The following SERPINB10 variants were observed in gnomAD, a reference collection of about 807,000 sequenced individuals.
The protein encoded by SERPINB10 is serpin family B member 10.
A neutral mutation model predicts 39.1 loss-of-function variants in SERPINB10; 35 were observed. That is an observed-to-expected ratio of 0.90 (90% CI 0.68 to 1.19). The LOEUF (loss-of-function observed/expected upper bound fraction) is 1.19, where lower values mean the gene tolerates loss of function less well. SERPINB10 is among the 50% of genes most tolerant of loss of function. The pLI is 0.00. For missense variants in SERPINB10, 546 were observed against 460.5 expected (o/e 1.19, Z -1.70); for synonymous variants, 190 against 158.1 (o/e 1.20, Z -1.52).
chr18:63,923,826 T>C (rs8097354), intron 5 of SERPINB10, among the ~76,000 whole-genome samples: 16,863 of 151,872 alleles, frequency 0.11, 2,162 homozygotes, highest in African/African-American at 0.3. Flanking sequence ...TACTTTTCAT[T>C]GCTTTGCCCT....
intron 1 of SERPINB10, among the ~76,000 whole-genome samples, chr18:63,909,304 G>GA (rs1368937567): frequency 6.6e-6 from 1 of 151,986 alleles, no homozygotes; most frequent in Admixed American, 6.6e-5. Context: ...AGTCTTCTCT[G>GA]AAAATATAAT....
chr18:63,919,926 T>G, intron 5 of SERPINB10, 21 bp downstream of exon 5: 1 of 1,487,058 alleles, frequency 6.7e-7, no homozygotes, highest in Non-Finnish European at 9.3e-7. Context: ...ACCAAGGGGT[T>G]TGGCAGCGTG....
intron 1 of SERPINB10, among the ~76,000 whole-genome samples, chr18:63,908,691 A>G (rs2050042914): frequency 6.6e-6 from 1 of 152,026 alleles, no homozygotes; most frequent in South Asian, 2.1e-4. Context: ...AAAAGGCCTT[A>G]GGTGAATAGA....
intron 5 of SERPINB10, among the ~76,000 whole-genome samples, chr18:63,926,669 A>G (rs1375241431): frequency 1.3e-5 from 2 of 152,058 alleles, no homozygotes; most frequent in Non-Finnish European, 2.9e-5. Flanking sequence ...ATGAGTGAGA[A>G]ACTGTTCCAG....
chr18:63,914,370 G>A (rs1452797547), intron 1 of SERPINB10, among the ~76,000 whole-genome samples: 2 of 152,022 alleles, frequency 1.3e-5, no homozygotes, highest in African/African-American at 2.4e-5. Flanking sequence ...TGTGTGCTAC[G>A]TACTTAAGTA....
chr18:63,929,896 G>A (rs1431418128), intron 5 of SERPINB10, 149 bp from the exon 6 acceptor site: 1 of 729,492 alleles, frequency 1.4e-6, no homozygotes, highest in Non-Finnish European at 2.2e-6. Flanking sequence ...TTCTGGACAG[G>A]AATAGTACTT....
Position 63,918,050 on chromosome 18 carries a change from T to TA in SERPINB10, c.321dup (p.Leu108ThrfsTer2), listed in dbSNP as rs747820758. On this transcript the variant is annotated frameshift_variant, in exon 4 of 8. Transcript: ENST00000238508. LOFTEE classifies it high-confidence loss of function. ...ATCCTCAAGCCCAACGATGACTACT[T>TA]ACTTAAAACAGCCAATGCGATATAT... 1 of 1,612,434 alleles carries TA rather than the reference T, an allele frequency of 6.2e-7. No individual in the cohort carries two copies. The highest frequency in any genetic ancestry group is 1.7e-5 in the Admixed American group (1 of 59,814).
At chr18:63,913,574 T>C (rs559846032) in intron 1 of SERPINB10, among the ~76,000 whole-genome samples, 279 of 152,136 alleles carry the variant, frequency 1.8e-3, no homozygotes, top group Admixed American at 2.5e-3. Context: ...AGTAATTCTG[T>C]GGTTTTGAGA....
rs982462860 is a variant in SERPINB10, at chr18:63,935,982, T to C, written c.*740T>C. On this transcript the variant is annotated 3_prime_UTR_variant, in exon 8 of 8. Transcript: ENST00000238508. Reference sequence around the variant, plus strand: ...ATGTTGGTGCCCTAGTTTTGACAAATGTACCGTGGTCATGTAAGATGTTAT... The same window carrying C: ...ATGTTGGTGCCCTAGTTTTGACAAACGTACCGTGGTCATGTAAGATGTTAT... 2.0e-5 allele frequency: 3 copies of C among 152,242 alleles called. No homozygotes were observed. The highest frequency in any genetic ancestry group is 6.5e-5 in the Admixed American group (1 of 15,290). The allele number at this position is 152,242 out of a possible 1,614,324, so 9.4% of individuals were successfully genotyped here. A position where few individuals can be genotyped will look rare whatever the true frequency, so the allele number is the denominator to read the frequency against.
intron 1 of SERPINB10, among the ~76,000 whole-genome samples, chr18:63,908,958 A>G (rs1015491816): frequency 6.6e-6 from 1 of 152,084 alleles, no homozygotes. Context: ...AGTCAAGATA[A>G]CACAGTTGCA....
rs749820724 is a variant in SERPINB10, at chr18:63,919,862, A to C, written c.447A>C (p.Gln149His). The change falls in exon 5 of 8, where the codon CAA becomes CAC. Residue 149 changes from glutamine to histidine, a missense_variant. Coordinates refer to ENST00000238508, the MANE Select transcript of SERPINB10 (RefSeq NM_005024.3). Reference protein sequence around the residue: ...QPVNFVEASDQIRKDINSWVE... With the variant: ...QPVNFVEASDHIRKDINSWVE... ...TTAACTTTGTGGAAGCTTCTGATCAAATCAGAAAGGACATCAACTCTTGGG... is the reference window on the plus strand; with the variant it reads ...TTAACTTTGTGGAAGCTTCTGATCACATCAGAAAGGACATCAACTCTTGGG... 1 of 1,610,716 alleles carries C rather than the reference A, an allele frequency of 6.2e-7. No individual in the cohort carries two copies.
chr18:63,925,177 A>G (rs577269391), intron 5 of SERPINB10, among the ~76,000 whole-genome samples: 1 of 152,156 alleles, frequency 6.6e-6, no homozygotes, highest in South Asian at 2.1e-4. Flanking sequence ...TTAGATTGGA[A>G]GTGAAAGTAT....
intron 4 of SERPINB10, among the ~76,000 whole-genome samples, chr18:63,918,965 A>G (rs2050125484): frequency 6.6e-6 from 1 of 151,982 alleles, no homozygotes; most frequent in Non-Finnish European, 1.5e-5. Context: ...GTCCCTCAAA[A>G]ATATTTAAGT....
chr18:63,935,953 C>T lies in SERPINB10; in HGVS notation c.*711C>T. 6.6e-6 allele frequency: 1 copy of T among 152,226 alleles called. No homozygotes were observed. The highest frequency in any genetic ancestry group is 1.5e-5 in the Non-Finnish European group (1 of 68,040). The allele number at this position is 152,226 out of a possible 1,614,324, so 9.4% of individuals were successfully genotyped here. ...TTTGAAGTTTAGCTAGTAGCAATCT[C>T]TCAATGTTGGTGCCCTAGTTTTGAC... On this transcript the variant is annotated 3_prime_UTR_variant, in exon 8 of 8. Coordinates refer to ENST00000238508, the MANE Select transcript of SERPINB10 (RefSeq NM_005024.3).
At chr18:63,914,065 A>G (rs1172553510) in intron 1 of SERPINB10, among the ~76,000 whole-genome samples, 1 of 152,064 alleles carries the variant, frequency 6.6e-6, no homozygotes, top group East Asian at 1.9e-4. Flanking sequence ...AGCCTGTTGT[A>G]TCTGATATAA....
At chr18:63,934,363 T>G (rs1234509284) in intron 7 of SERPINB10, among the ~76,000 whole-genome samples, 3 of 152,212 alleles carry the variant, frequency 2.0e-5, no homozygotes, top group African/African-American at 7.2e-5. Flanking sequence ...CTTTCTTTTT[T>G]GACTTAGTCT....
chr18:63,919,549 G>A (rs565700432), intron 4 of SERPINB10, among the ~76,000 whole-genome samples: 3 of 152,006 alleles, frequency 2.0e-5, no homozygotes, highest in African/African-American at 7.2e-5. Flanking sequence ...CCAAAAATGT[G>A]GGCATCCGTA....
chr18:63,934,958 T>G lies in SERPINB10; in HGVS notation c.910T>G (p.Ser304Ala), dbSNP rs1169943468. The change falls in exon 8 of 8, where the codon TCA (serine) becomes GCA (alanine). Residue 304 changes from serine (S) to alanine (A), a missense_variant. Coordinates refer to ENST00000238508, the MANE Select transcript of SERPINB10 (RefSeq NM_005024.3). Reference sequence around the variant, plus strand: ...GCTGGAAGACAGTTATGATCTCAAGTCAACCCTGAGCAGTATGGGGATGAG... The same window carrying G: ...GCTGGAAGACAGTTATGATCTCAAGGCAACCCTGAGCAGTATGGGGATGAG... ...FKLEDSYDLK[S>A]TLSSMGMSDA... The G allele has an allele frequency of 6.2e-7, 1 of 1,614,104 alleles. No homozygotes were observed. The highest frequency in any genetic ancestry group is 8.5e-7 in the Non-Finnish European group (1 of 1,180,042).
Position 63,933,203 on chromosome 18 carries a change from G to C in SERPINB10, c.789G>C (p.Gln263His). ...CAGAAGACATTAATGGGCTGGAACA[G>C]GTAAATAACATCAGTGTGTCTGATG... ...LLPEDINGLEQLEKAITYEKL... is the reference protein window; with the variant it reads ...LLPEDINGLEHLEKAITYEKL... The change falls in exon 7 of 8, where the codon CAG (glutamine) becomes CAC (histidine). Residue 263 changes from glutamine to histidine, a missense_variant and splice_region_variant. By Grantham distance (24) the Gln-to-His change is conservative. Transcript: ENST00000238508. 6.2e-7 allele frequency: 1 copy of C among 1,613,868 alleles called. No homozygotes were observed. Among genetic ancestry groups the C allele is most frequent in the Non-Finnish European group, 8.5e-7 (1 of 1,179,878 alleles).
Sources: gnomAD v4.1 joint callset for allele counts (sites outside exome capture counted in the v4.1 genomes callset) on GRCh38, gnomAD v4.1.1 for gene constraint, MANE v1.5 for transcripts, NCBI Gene and HGNC (gene_info 2026-07-23, HGNC 2026-07-21) for gene names.